SNX6: variants seen among roughly 807,000 people sequenced by gnomAD.
SNX6 encodes sorting nexin-6.
SNX6 carries 34 observed loss-of-function variants against 63.0 expected under a neutral mutation model. That is an observed-to-expected ratio of 0.54 (90% CI 0.41 to 0.72). SNX6 has a LOEUF of 0.72. Ranked by LOEUF, SNX6 falls within the 30% of genes least tolerant of loss-of-function variation. The pLI is 0.00. For synonymous variants in SNX6, 170 were observed against 164.2 expected (o/e 1.04, Z -0.27); for missense variants, 398 against 471.4 (o/e 0.84, Z 1.44).
At chr14:34,610,875 T>A (rs754107911) in intron 2 of SNX6, among the ~76,000 whole-genome samples, 1 of 152,170 alleles carries the variant, frequency 6.6e-6, no homozygotes, top group African/African-American at 2.4e-5. Flanking sequence ...ACTTAGAGAA[T>A]CTCACCTGGT....
intron 2 of SNX6, among the ~76,000 whole-genome samples, chr14:34,614,204 A>T (rs1883337472): frequency 6.6e-6 from 1 of 152,070 alleles, no homozygotes; most frequent in Admixed American, 6.6e-5. Context: ...AGGCGATTGG[A>T]ACACTTGAGC....
chr14:34,625,039 C>T (rs1229056867), intron 2 of SNX6, among the ~76,000 whole-genome samples: 1 of 151,990 alleles, frequency 6.6e-6, no homozygotes, highest in Non-Finnish European at 1.5e-5. Context: ...CCTCAGCCTC[C>T]CGAGTAGGTG....
At chr14:34,566,464 T>C (rs998872704) in intron 13 of SNX6, among the ~76,000 whole-genome samples, 8 of 152,178 alleles carry the variant, frequency 5.3e-5, no homozygotes, top group Non-Finnish European at 8.8e-5. Flanking sequence ...CCACCCGGTC[T>C]TGGCCTCCCA....
chr14:34,570,740 T>C (rs1340975155), intron 11 of SNX6, among the ~76,000 whole-genome samples: 1 of 116,302 alleles, frequency 8.6e-6, no homozygotes, highest in Non-Finnish European at 1.9e-5. Context: ...TTTTTTTTTT[T>C]TGAGATGGAG....
At chr14:34,593,689 A>G (rs927343482) in intron 7 of SNX6, among the ~76,000 whole-genome samples, 1 of 150,688 alleles carries the variant, frequency 6.6e-6, no homozygotes, top group African/African-American at 2.4e-5. Context: ...CTCCTGCCTC[A>G]GCCTCCTGAG....
In SNX6 at chr14:34,629,959, G is replaced by T; in HGVS notation, c.7-5C>A. On this transcript the variant is annotated splice_region_variant and splice_polypyrimidine_tract_variant and intron_variant, in intron 1 of 13. Coordinates refer to ENST00000362031, the MANE Select transcript of SNX6 (RefSeq NM_152233.4). ...CGGGCCGTCGTCCAGGCCTTCCTGT[G>T]GGGTCGGCGGGCACGGCGCGCCGGG... The T allele has an allele frequency of 6.5e-7, 1 of 1,537,038 alleles. No individual in the cohort carries two copies. The highest frequency in any genetic ancestry group is 2.4e-5 in the East Asian group (1 of 40,970).
intron 2 of SNX6, among the ~76,000 whole-genome samples, chr14:34,627,473 TTTTC>T (rs1029034717): frequency 9.4e-5 from 14 of 149,094 alleles, no homozygotes; most frequent in Non-Finnish European, 1.5e-4. Context: ...AAAAATTGTT[TTTTC>T]TTTTTTTTCT....
At chr14:34,572,409 C>T (rs1881486911) in intron 11 of SNX6, among the ~76,000 whole-genome samples, 1 of 152,094 alleles carries the variant, frequency 6.6e-6, no homozygotes, top group Non-Finnish European at 1.5e-5. Flanking sequence ...AAAACAACCA[C>T]ATTTGATAAT....
chr14:34,574,985 G>T (rs1458374943), intron 11 of SNX6, among the ~76,000 whole-genome samples: 1 of 151,588 alleles, frequency 6.6e-6, no homozygotes, highest in Admixed American at 6.6e-5. Flanking sequence ...TCCACCTCCT[G>T]CGTTCAAGCA....
rs748839897 is a variant in SNX6, at chr14:34,629,937, G to A, written c.24C>T (p.Gly8=). ...GGTCCTCTTCTGAGAGGAAGTCCGG[G>A]CCGTCGTCCAGGCCTTCCTGTGGGG... MMEGLDD[G]PDFLSEEDRG... Residue 8 remains glycine (G), a synonymous_variant, in exon 2 of 14, where the codon GGC becomes GGT. Coordinates refer to ENST00000362031, the MANE Select transcript of SNX6 (RefSeq NM_152233.4). 4 of 1,550,934 alleles carry A rather than the reference G, an allele frequency of 2.6e-6. No individual in the cohort carries two copies. The Admixed American group carries it at 6.1e-5, about 24-fold the overall frequency.
At chr14:34,625,570 T>C (rs1393644793) in intron 2 of SNX6, among the ~76,000 whole-genome samples, 1 of 151,860 alleles carries the variant, frequency 6.6e-6, no homozygotes, top group Non-Finnish European at 1.5e-5. Context: ...CTGTCTCTAC[T>C]AAAAATACAA....
chr14:34,567,935 T>A lies in SNX6; in HGVS notation c.1000A>T (p.Asn334Tyr). 6.2e-7 allele frequency: 1 copy of A among 1,613,342 alleles called. No individual in the cohort carries two copies. Among genetic ancestry groups the A allele is most frequent in the Non-Finnish European group, 8.5e-7 (1 of 1,180,026 alleles). The change falls in exon 12 of 14, where the codon AAT becomes TAT. Residue 334 changes from asparagine to tyrosine, a missense_variant. Coordinates refer to ENST00000362031, the MANE Select transcript of SNX6 (RefSeq NM_152233.4). ...NKALDKARAK[N>Y]KDVLQAETSQ... Reference sequence around the variant, plus strand: ...GTTTCGGCCTGTAGAACATCTTTATTTTTTGCTCTTGCTTTATCCAGTGCT... The same window carrying A: ...GTTTCGGCCTGTAGAACATCTTTATATTTTGCTCTTGCTTTATCCAGTGCT...
chr14:34,579,470 T>C (rs1419870292), intron 10 of SNX6, among the ~76,000 whole-genome samples: 1 of 151,692 alleles, frequency 6.6e-6, no homozygotes, highest in African/African-American at 2.4e-5. Flanking sequence ...TAGCCAGGCA[T>C]GGTAACACAC....
At chr14:34,587,637 A>G (rs1470290505) in intron 8 of SNX6, among the ~76,000 whole-genome samples, 1 of 150,656 alleles carries the variant, frequency 6.6e-6, no homozygotes, top group African/African-American at 2.4e-5. Context: ...AACAAACAAA[A>G]TTTATTTATT....
chr14:34,600,680 G>T (rs538355866), intron 6 of SNX6, among the ~76,000 whole-genome samples: 1 of 152,218 alleles, frequency 6.6e-6, no homozygotes, highest in South Asian at 2.1e-4. Context: ...CAGGTTCCAA[G>T]ATTTGTATCA....
chr14:34,573,343 G>A (rs1881535009), intron 11 of SNX6, among the ~76,000 whole-genome samples: 1 of 152,072 alleles, frequency 6.6e-6, no homozygotes, highest in African/African-American at 2.4e-5. Flanking sequence ...GGGAGGCTGA[G>A]GCTGGTGGAT....
intron 11 of SNX6, among the ~76,000 whole-genome samples, chr14:34,575,439 A>G (rs1194031594): frequency 6.6e-6 from 1 of 152,066 alleles, no homozygotes; most frequent in East Asian, 1.9e-4. Context: ...ACGTCAGGTG[A>G]TCCTCTGGCC....
chr14:34,590,221 G>A (rs1882339022), intron 8 of SNX6, among the ~76,000 whole-genome samples: 1 of 152,044 alleles, frequency 6.6e-6, no homozygotes, highest in South Asian at 2.1e-4. Flanking sequence ...GAGGTGAGGA[G>A]ATTGAAACCA....
At chr14:34,578,306 G>A (rs1337355461) in intron 10 of SNX6, among the ~76,000 whole-genome samples, 4 of 152,094 alleles carry the variant, frequency 2.6e-5, no homozygotes, top group Non-Finnish European at 1.5e-5. Context: ...CAACTTTTCT[G>A]TAAGTCTGAA....
Sources: gnomAD v4.1 joint callset for allele counts (sites outside exome capture counted in the v4.1 genomes callset) on GRCh38, gnomAD v4.1.1 for gene constraint, MANE v1.5 for transcripts, NCBI Gene and HGNC (gene_info 2026-07-23, HGNC 2026-07-21) for gene names.